ENKD1: variants seen among roughly 807,000 people sequenced by gnomAD.
The protein encoded by ENKD1 is enkurin domain containing 1, also known as enkurin domain-containing protein 1.
A neutral mutation model predicts 35.8 loss-of-function variants in ENKD1; 39 were observed. The observed-to-expected ratio is 1.09, with a 90% CI of 0.84 to 1.42. ENKD1 has a LOEUF of 1.42. Among genes scored for constraint, ENKD1 ranks in the 40% most tolerant of loss-of-function variants. The probability of loss-of-function intolerance (pLI) is 0.00; values close to 1 mark genes in which losing one functional copy is unlikely to be tolerated. For synonymous variants in ENKD1, 205 were observed against 198.6 expected (o/e 1.03, Z -0.27); for missense variants, 474 against 471.3 (o/e 1.01, Z -0.05).
In ENKD1 at chr16:67,663,986, G is replaced by T; in HGVS notation, c.530C>A (p.Pro177Gln). The T allele has an allele frequency of 6.3e-7, 1 of 1,594,818 alleles. No individual in the cohort carries two copies. Among genetic ancestry groups the T allele is most frequent in the Non-Finnish European group, 8.5e-7 (1 of 1,170,090 alleles). ...TGGCTGGGGACTAGATACATGGGGT[G>T]GTGGGAGGCCAGGGCCGCAGCGGGA... ...AHSRCGPGLP[P>Q]PHVSSPQPTP... The change falls in exon 4 of 7, where the codon CCA becomes CAA. Residue 177 changes from proline to glutamine, a missense_variant. Pro to Gln is a moderately conservative substitution (Grantham distance 76). Transcript: ENST00000243878.
At chr16:67,664,861 C>CCTT (rs1567647283) in intron 3 of ENKD1, 135 bp downstream of exon 3, 4 of 1,164,534 alleles carry the variant, frequency 3.4e-6, no homozygotes, top group Non-Finnish European at 4.7e-6. Flanking sequence ...CCCAGCCTCG[C>CCTT]CCTGCAGCAG....
chr16:67,663,624 C>A (rs2053061241), intron 5 of ENKD1, 33 bp downstream of exon 5: 1 of 1,604,902 alleles, frequency 6.2e-7, no homozygotes, highest in Non-Finnish European at 8.5e-7. Flanking sequence ...CCACAGGTGT[C>A]CTTCACCCTG....
Position 67,663,759 on chromosome 16 carries a change from C to T in ENKD1, c.641G>A (p.Arg214Gln), listed in dbSNP as rs753786845. ...GACCTGCAGTGAGCAGGAATGCCTC[C>T]GGGGGGCTCTCTTGGCAGCTCGTGC... The part of the protein sequence containing the change: ...HNARAAKRAP[R>Q]RHSCSLQVLA... Residue 214 changes from arginine (R) to glutamine (Q), a missense_variant, in exon 5 of 7, where the codon CGG becomes CAG. Physicochemically the swap from Arg to Gln is conservative, Grantham distance 43 (BLOSUM62 1). Transcript: ENST00000243878. The T allele has an allele frequency of 6.2e-6, 10 of 1,610,968 alleles. No individual in the cohort carries two copies. Among genetic ancestry groups the T allele is most frequent in the Admixed American group, 3.4e-5 (2 of 59,612 alleles).
chr16:67,665,971 G>T, intron 2 of ENKD1, 100 bp downstream of exon 2: 3 of 1,305,724 alleles, frequency 2.3e-6, no homozygotes, highest in South Asian at 1.4e-5. Flanking sequence ...CTCAAGAGAT[G>T]CAAAGCCTGG....
At chr16:67,664,745 GGTCT>G (rs2053077231) in intron 3 of ENKD1, among the ~76,000 whole-genome samples, 1 of 152,114 alleles carries the variant, frequency 6.6e-6, no homozygotes, top group Non-Finnish European at 1.5e-5. Flanking sequence ...CGTGCCCTGT[GGTCT>G]GTGAGGTTCC....
intron 4 of ENKD1, 58 bp downstream of exon 4, chr16:67,663,879 C>G (rs961213972): frequency 8.2e-6 from 13 of 1,581,128 alleles, no homozygotes; most frequent in African/African-American, 2.8e-5. Flanking sequence ...TCCCTGAACA[C>G]CCCCCCCACA....
At position 67,665,006 on chromosome 16, in the gene ENKD1, G is replaced by A. The variant is rs1305020526; in HGVS notation, c.443C>T (p.Ala148Val). 2.5e-6 allele frequency: 4 copies of A among 1,603,240 alleles called. No individual in the cohort carries two copies. In the East Asian group the frequency reaches 9.0e-5, roughly 36 times the overall value. ...CCCTGAAGCAGGTACCTGGAGCTGG[G>A]CCTTGACCCGGGACTCCACCTTGTC... ...KYDKVESRVK[A>V]QLQEPGPASG... The change falls in exon 3 of 7, where the codon GCC becomes GTC. Residue 148 changes from alanine to valine, a missense_variant. Physicochemically the swap from Ala to Val is moderately conservative, Grantham distance 64 (BLOSUM62 0). Coordinates refer to ENST00000243878, the MANE Select transcript of ENKD1 (RefSeq NM_032140.3).
In ENKD1 at chr16:67,663,469, C is replaced by T. The variant is rs549077304; in HGVS notation, c.831G>A (p.Thr277=). The change falls in exon 6 of 7, where the codon ACG becomes ACA. Residue 277 remains threonine (T), a synonymous_variant. Transcript: ENST00000243878. Reference sequence around the variant, plus strand: ...CCAGCCGCTGGTTCTCAGGCATGCGCGTGTGGCCTGGGGGCATGGCAGGGT... The same window carrying T: ...CCAGCCGCTGGTTCTCAGGCATGCGTGTGTGGCCTGGGGGCATGGCAGGGT... ...QPDPAMPPGH[T]RMPENQRLET... 3.7e-6 allele frequency: 6 copies of T among 1,613,272 alleles called. No homozygotes were observed. The African/African-American group carries it at 4.0e-5, about 11-fold the overall frequency.
rs1398364691 is a variant in ENKD1, at chr16:67,666,112, T to C, written c.239A>G (p.Gln80Arg). 6.2e-7 allele frequency: 1 copy of C among 1,612,644 alleles called. No homozygotes were observed. The highest frequency in any genetic ancestry group is 8.5e-7 in the Non-Finnish European group (1 of 1,179,958). The change falls in exon 2 of 7, where the codon CAA becomes CGA. Residue 80 changes from glutamine (Q) to arginine (R), a missense_variant. By Grantham distance (43) the Gln-to-Arg change is conservative. Transcript: ENST00000243878. ...GQRGVGDVLLQLEGISLGPGA... is the reference protein window; with the variant it reads ...GQRGVGDVLLRLEGISLGPGA... ...AGGACCTAGGGAGATCCCCTCGAGT[T>C]GCAACAGCACGTCCCCGACGCCGCG...
intron 3 of ENKD1, chr16:67,664,624 A>G: frequency 3.3e-6 from 1 of 307,466 alleles, no homozygotes; most frequent in Non-Finnish European, 6.1e-6. Flanking sequence ...CTCAGAAATA[A>G]GGGCTGAAAA....
Position 67,663,931 on chromosome 16 carries a change from T to A in ENKD1, c.579+6A>T. On this transcript the variant is annotated splice_donor_region_variant and intron_variant, in intron 4 of 6. Coordinates refer to ENST00000243878, the MANE Select transcript of ENKD1 (RefSeq NM_032140.3). Reference sequence around the variant, plus strand: ...ACCACCATCTAGCCCCCATACATCCTCTCACCTTAGCTTCGGGACCTGGTG... The same window carrying A: ...ACCACCATCTAGCCCCCATACATCCACTCACCTTAGCTTCGGGACCTGGTG... The A allele has an allele frequency of 6.2e-7, 1 of 1,607,392 alleles. No individual in the cohort carries two copies.
In ENKD1 at chr16:67,664,889, CCT is replaced by C. The variant is rs142069082; in HGVS notation, c.453+105_453+106del. The C allele has an allele frequency of 1.4e-3, 1,949 of 1,393,722 alleles. 28 individuals are homozygous for C. The African/African-American group carries it at 0.024, about 17-fold the overall frequency. 86.3% of individuals were successfully genotyped at this position (1,393,722 alleles called of 1,614,324 possible). ...TGCAGCAGAGCCAGGGTCTCTTAGT[CCT>C]CTGTTACCTCTGTGACTTCCCTCCC... On this transcript the variant is annotated intron_variant, in intron 3 of 6. Transcript: ENST00000243878.
rs772081596 is a variant in ENKD1 at position 67,665,083 on chromosome 16, C to A, written c.366G>T (p.Arg122=). 3 of 1,613,896 alleles carry A rather than the reference C, an allele frequency of 1.9e-6. No individual in the cohort carries two copies. Among genetic ancestry groups the A allele is most frequent in the Non-Finnish European group, 2.5e-6 (3 of 1,179,980 alleles). ...TCAGGGGCCTGGGCTGGCCCTGCTC[C>A]CGGCTGCGCTCCTGTTCTCTGAAGC... is the stretch of plus-strand genomic sequence containing the variant. ...QKRFREQERS[R]EQGQPRPLKA... The change falls in exon 3 of 7, where the codon CGG becomes CGT. Residue 122 remains arginine (R), a synonymous_variant. Transcript: ENST00000243878.
rs1197323712 is a variant in ENKD1 at position 67,664,022 on chromosome 16, AG to A, written c.493del (p.Leu165CysfsTer63). ...AGGGCCGCAGCGGGAGTGCGCCCGC[AG>A]GAAGTGGGCAGACTCTGTCCCAGAG... Reference protein sequence around the residue: ...PASGTESAHFLRAHSRCGPGL... With the variant: ...PASGTESAHFXRAHSRCGPGL... On this transcript the variant is annotated frameshift_variant, in exon 4 of 7. Coordinates refer to ENST00000243878, the MANE Select transcript of ENKD1 (RefSeq NM_032140.3). LOFTEE classifies it high-confidence loss of function. 19 of 1,566,296 alleles carry A rather than the reference AG, an allele frequency of 1.2e-5. No individual in the cohort carries two copies. Among genetic ancestry groups the A allele is most frequent in the Non-Finnish European group, 1.6e-5 (18 of 1,154,842 alleles).
Position 67,666,369 on chromosome 16 carries a change from C to T in ENKD1, c.74G>A (p.Arg25Gln), listed in dbSNP as rs2053103395. 4.4e-6 allele frequency: 7 copies of T among 1,577,848 alleles called. No homozygotes were observed. The East Asian group carries it at 1.4e-4, about 31-fold the overall frequency. ...DPTLCPDNYR[R>Q]PTSAQGRLEG... ...GCCCCCGGACTCACCCGAGGTCGGC[C>T]GCCTGTAGTTGTCAGGACAGAGCGT... is the stretch of plus-strand genomic sequence containing the variant. Residue 25 changes from arginine (R) to glutamine (Q), a missense_variant, in exon 1 of 7, where the codon CGG becomes CAG. Arg to Gln is a conservative substitution (Grantham distance 43). Transcript: ENST00000243878.
Position 67,663,641 on chromosome 16 carries a change from G to A in ENKD1, c.743+16C>T, listed in dbSNP as rs371042455. 200 of 1,606,186 alleles carry A rather than the reference G, an allele frequency of 1.2e-4. No individual in the cohort carries two copies. The highest frequency in any genetic ancestry group is 1.7e-4 in the Non-Finnish European group (195 of 1,174,532). Reference sequence around the variant, plus strand: ...ACAGGTGTCCTTCACCCTGAGTGTCGGGCAGTGAGACCTACTAATGTGGCA... The same window carrying A: ...ACAGGTGTCCTTCACCCTGAGTGTCAGGCAGTGAGACCTACTAATGTGGCA... On this transcript the variant is annotated intron_variant, in intron 5 of 6. Transcript: ENST00000243878.
rs760001026 is a variant in ENKD1 at position 67,663,711 on chromosome 16, T to C, written c.689A>G (p.Gln230Arg). ...ATTGTAGTGCTCCTGGGCCTGCCGC[T>C]GCTGCTCTAGCACTTGTGCCAGGAC... ...LQVLAQVLEQ[Q>R]RQAQEHYNAT... is the part of the protein sequence containing the mutation. Residue 230 changes from glutamine (Q) to arginine (R), a missense_variant, in exon 5 of 7, where the codon CAG (glutamine) becomes CGG (arginine). By Grantham distance (43) the Gln-to-Arg change is conservative (BLOSUM62 1). Coordinates refer to ENST00000243878, the MANE Select transcript of ENKD1 (RefSeq NM_032140.3). The C allele has an allele frequency of 1.5e-5, 24 of 1,613,160 alleles. No individual in the cohort carries two copies. The Admixed American group carries it at 4.0e-4, about 27-fold the overall frequency.
chr16:67,666,128 C>G lies in ENKD1; in HGVS notation c.223G>C (p.Gly75Arg), dbSNP rs755175037. ...EILERGQRGV[G>R]DVLLQLEGIS... ...CCCTCGAGTTGCAACAGCACGTCCC[C>G]GACGCCGCGCTGGCCGCGCTCCAGG... The change falls in exon 2 of 7, where the codon GGG becomes CGG. Residue 75 changes from glycine (G) to arginine (R), a missense_variant. Coordinates refer to ENST00000243878, the MANE Select transcript of ENKD1 (RefSeq NM_032140.3). The G allele has an allele frequency of 6.2e-7, 1 of 1,612,828 alleles. No individual in the cohort carries two copies. The highest frequency in any genetic ancestry group is 8.5e-7 in the Non-Finnish European group (1 of 1,179,974).
In ENKD1 at chr16:67,666,229, T is replaced by C; in HGVS notation, c.122A>G (p.Asp41Gly). The change falls in exon 2 of 7, where the codon GAC (aspartate) becomes GGC (glycine). Residue 41 changes from aspartate to glycine, a missense_variant. Physicochemically the swap from Asp to Gly is moderately conservative, Grantham distance 94 (BLOSUM62 -1). Coordinates refer to ENST00000243878, the MANE Select transcript of ENKD1 (RefSeq NM_032140.3). ...GRLEGNALKL[D>G]LLTSDRALDT... is the part of the protein sequence containing the mutation. ...CAGGGCCCGGTCGGAAGTCAGCAAG[T>C]CCAGCTTCAGCGCGTTTCCCTCGAG... 6.2e-7 allele frequency: 1 copy of C among 1,607,652 alleles called. No individual in the cohort carries two copies.
Sources: gnomAD v4.1 joint callset for allele counts (sites outside exome capture counted in the v4.1 genomes callset) on GRCh38, gnomAD v4.1.1 for gene constraint, MANE v1.5 for transcripts, NCBI Gene and HGNC (gene_info 2026-07-23, HGNC 2026-07-21) for gene names.